TNFRSF10C: variants seen among roughly 807,000 people sequenced by gnomAD.
TNFRSF10C encodes tumor necrosis factor receptor superfamily member 10C.
Under a neutral mutation model 16.7 loss-of-function variants are expected in TNFRSF10C, and 17 were observed. The observed-to-expected ratio is 1.02, with a 90% confidence interval of 0.70 to 1.53. The LOEUF is 1.53. TNFRSF10C is among the 40% of genes most tolerant of loss of function. The pLI, the probability that TNFRSF10C is intolerant of heterozygous loss-of-function variation, is 0.00. For synonymous variants in TNFRSF10C, 73 were observed against 119.7 expected (o/e 0.61, Z 2.55); for missense variants, 237 against 329.7 (o/e 0.72, Z 2.18).
intron 1 of TNFRSF10C, among the ~76,000 whole-genome samples, chr8:23,106,067 G>C (rs1019741657): frequency 2.6e-5 from 4 of 152,138 alleles, no homozygotes; most frequent in African/African-American, 7.2e-5. Context: ...AGGCTTGAGG[G>C]GAAAGTGATT....
At position 23,103,235 on chromosome 8, in the gene TNFRSF10C, G is replaced by T. The variant is rs548064428; in HGVS notation, c.60+54G>T. ...GGAAGAGCGCACCTGGCGCCGGGAG[G>T]GGGCAGGGAGACGGGGACACGGCAG... On this transcript the variant is annotated intron_variant, in intron 1 of 4. Coordinates refer to ENST00000356864, the MANE Select transcript of TNFRSF10C (RefSeq NM_003841.5). The T allele has an allele frequency of 1.0e-5, 16 of 1,584,526 alleles. No homozygotes were observed. In the Admixed American group the frequency reaches 2.0e-4, roughly 20 times the overall value.
At chr8:23,108,615 C>A (rs921478298) in intron 1 of TNFRSF10C, among the ~76,000 whole-genome samples, 1 of 151,894 alleles carries the variant, frequency 6.6e-6, no homozygotes, top group Non-Finnish European at 1.5e-5. Context: ...AGTATAATAA[C>A]AACAAATTGT....
intron 2 of TNFRSF10C, among the ~76,000 whole-genome samples, chr8:23,112,663 G>A (rs1335250241): frequency 6.6e-6 from 1 of 152,150 alleles, no homozygotes; most frequent in Non-Finnish European, 1.5e-5. Context: ...CTTTTTAAAG[G>A]CTGAATAGTA....
rs1330745401 is a variant in TNFRSF10C, at chr8:23,115,561, A to G, written c.334A>G (p.Lys112Glu). The change falls in exon 4 of 5, where the codon AAA becomes GAA. Residue 112 changes from lysine to glutamate, a missense_variant. Transcript: ENST00000356864. ...GACCAGAGACACAGTGTGTCAGTGT[A>G]AAGAAGGCACCTTCCGGAATGAAAA... ...TMTRDTVCQC[K>E]EGTFRNENSP... 1 of 1,613,590 alleles carries G rather than the reference A, an allele frequency of 6.2e-7. No individual in the cohort carries two copies. Among genetic ancestry groups the G allele is most frequent in the East Asian group, 2.2e-5 (1 of 44,868 alleles).
intron 2 of TNFRSF10C, 57 bp from the exon 3 acceptor site, chr8:23,114,600 G>C: frequency 6.9e-7 from 1 of 1,446,760 alleles, no homozygotes; most frequent in South Asian, 1.1e-5. Context: ...CCCCACCACT[G>C]TCAGCCTCTG....
At chr8:23,115,733 T>C in intron 4 of TNFRSF10C, 117 bp downstream of exon 4, 1 of 749,068 alleles carries the variant, frequency 1.3e-6, no homozygotes, top group Non-Finnish European at 2.1e-6. Flanking sequence ...GGGGTGTCCC[T>C]GAGCCTGTGG....
intron 2 of TNFRSF10C, among the ~76,000 whole-genome samples, chr8:23,112,895 C>T (rs1813906642): frequency 6.6e-6 from 1 of 151,844 alleles, no homozygotes; most frequent in Non-Finnish European, 1.5e-5. Context: ...AACCTCCATA[C>T]TGTTTTCCAT....
chr8:23,113,311 A>C (rs542347675), intron 2 of TNFRSF10C, among the ~76,000 whole-genome samples: 2 of 152,092 alleles, frequency 1.3e-5, no homozygotes, highest in African/African-American at 4.8e-5. Flanking sequence ...ATGTAACCTC[A>C]TTTGTCTGTT....
chr8:23,113,446 C>T (rs769254315), intron 2 of TNFRSF10C, among the ~76,000 whole-genome samples: 2 of 152,124 alleles, frequency 1.3e-5, no homozygotes, highest in Non-Finnish European at 2.9e-5. Flanking sequence ...ATGTTTTAAT[C>T]TTTAGTCCAT....
In TNFRSF10C at chr8:23,117,169, C is replaced by G; in HGVS notation, c.*138C>G. 7.5e-7 allele frequency: 1 copy of G among 1,332,766 alleles called. No individual in the cohort carries two copies. Among genetic ancestry groups the G allele is most frequent in the Non-Finnish European group, 1.0e-6 (1 of 980,504 alleles). 82.6% of individuals were successfully genotyped at this position (1,332,766 alleles called of 1,614,324 possible). A position where few individuals can be genotyped will look rare whatever the true frequency, so the allele number is the denominator to read the frequency against. ...ACAGACAGAAACGCCTGCCCCTGCC[C>G]CAAGTCCTGGTGTCTCCAGCCTGGC... On this transcript the variant is annotated 3_prime_UTR_variant, in exon 5 of 5. Coordinates refer to ENST00000356864, the MANE Select transcript of TNFRSF10C (RefSeq NM_003841.5).
chr8:23,103,173 C>T lies in TNFRSF10C; in HGVS notation c.52C>T (p.Leu18=), dbSNP rs1479785332. 13 of 1,611,268 alleles carry T rather than the reference C, an allele frequency of 8.1e-6. No individual in the cohort carries two copies. Among genetic ancestry groups the T allele is most frequent in the Non-Finnish European group, 1.1e-5 (13 of 1,179,084 alleles). The stretch of plus-strand genomic sequence containing the variant: ...GTTCGTCGTCGTCATCGTCGCGGTC[C>T]TGCTGCCAGTGAGTCCCGGCCGCGG... ...LKFVVVIVAV[L]LPVLAYSATT... Residue 18 remains leucine (L), a synonymous_variant, in exon 1 of 5, where the codon CTG becomes TTG. Transcript: ENST00000356864.
chr8:23,103,158 G>GTCA lies in TNFRSF10C; in HGVS notation c.40_42dup (p.Ile14dup). ...CCCCAAGACCCTAAAGTTCGTCGTC[G>GTCA]TCATCGTCGCGGTCCTGCTGCCAGT... On this transcript the variant is annotated inframe_insertion, in exon 1 of 5. Coordinates refer to ENST00000356864, the MANE Select transcript of TNFRSF10C (RefSeq NM_003841.5). 1 of 1,612,084 alleles carries GTCA rather than the reference G, an allele frequency of 6.2e-7. No homozygotes were observed. The highest frequency in any genetic ancestry group is 8.5e-7 in the Non-Finnish European group (1 of 1,179,372).
At chr8:23,106,044 G>A (rs1813768963) in intron 1 of TNFRSF10C, among the ~76,000 whole-genome samples, 1 of 152,176 alleles carries the variant, frequency 6.6e-6, no homozygotes, top group African/African-American at 2.4e-5. Flanking sequence ...GGCCACAACT[G>A]CGCGCACTTC....
intron 1 of TNFRSF10C, among the ~76,000 whole-genome samples, chr8:23,108,612 TAAC>T (rs1442687727): frequency 6.6e-6 from 1 of 152,208 alleles, no homozygotes; most frequent in African/African-American, 2.4e-5. Flanking sequence ...AGGAGTATAA[TAAC>T]AACAAATTGT....
intron 2 of TNFRSF10C, 129 bp from the exon 3 acceptor site, chr8:23,114,528 G>A: frequency 1.4e-6 from 1 of 690,326 alleles, no homozygotes; most frequent in Non-Finnish European, 2.5e-6. Flanking sequence ...TGGATGACAA[G>A]ACCAAGCCTG....
rs10107826 is a variant in TNFRSF10C, at chr8:23,103,141, C to T, written c.20C>T (p.Thr7Ile). The T allele has an allele frequency of 7.3e-3, 11,834 of 1,612,344 alleles. 670 individuals carry two copies. The African/African-American group carries it at 0.13, about 17-fold the overall frequency. Residue 7 changes from threonine (T) to isoleucine (I), a missense_variant, in exon 1 of 5, where the codon ACC (threonine) becomes ATC (isoleucine). Physicochemically the swap from Thr to Ile is moderately conservative, Grantham distance 89 (BLOSUM62 -1). Transcript: ENST00000356864. Reference protein sequence around the residue: MARIPKTLKFVVVIVAV... With the variant: MARIPKILKFVVVIVAV... ...CATACCATGGCCCGGATCCCCAAGACCCTAAAGTTCGTCGTCGTCATCGTC... is the reference window on the plus strand; with the variant it reads ...CATACCATGGCCCGGATCCCCAAGATCCTAAAGTTCGTCGTCGTCATCGTC...
At chr8:23,109,792 G>C (rs1813846062) in intron 1 of TNFRSF10C, among the ~76,000 whole-genome samples, 1 of 151,998 alleles carries the variant, frequency 6.6e-6, no homozygotes, top group Non-Finnish European at 1.5e-5. Context: ...CCAACTGTGT[G>C]CGGTGGCTTA....
At chr8:23,108,927 A>G (rs1813826488) in intron 1 of TNFRSF10C, among the ~76,000 whole-genome samples, 1 of 151,880 alleles carries the variant, frequency 6.6e-6, no homozygotes, top group African/African-American at 2.4e-5. Context: ...GAAATCAGTA[A>G]CAATATCCAC....
intron 1 of TNFRSF10C, among the ~76,000 whole-genome samples, chr8:23,107,164 A>T (rs918645602): frequency 6.6e-6 from 1 of 152,184 alleles, no homozygotes; most frequent in Non-Finnish European, 1.5e-5. Flanking sequence ...GCAACATAGC[A>T]AAACCCGGTC....
Sources: allele counts gnomAD v4.1 joint callset (sites outside exome capture counted in the v4.1 genomes callset), GRCh38; gene constraint gnomAD v4.1.1; transcripts MANE v1.5; gene names NCBI Gene and HGNC (gene_info 2026-07-23, HGNC 2026-07-21).